Variants in KCNN2 observed in about 807,000 individuals in gnomAD.
KCNN2 encodes potassium calcium-activated channel subfamily N member 2.
Under a neutral mutation model 55.5 loss-of-function variants are expected in KCNN2, and 24 were observed. The ratio of observed to expected loss-of-function variants is 0.43; its 90% CI spans 0.31 to 0.61. The LOEUF is 0.61. KCNN2 is among the 20% of genes least tolerant of loss of function. KCNN2 has a pLI of 0.08. For synonymous variants in KCNN2, 431 were observed against 336.1 expected (o/e 1.28, Z -3.09); for missense variants, 754 against 853.6 (o/e 0.88, Z 1.45).
chr5:114,162,171 C>T (rs7443557), intron 1 of KCNN2, among the ~76,000 whole-genome samples: 118,319 of 152,062 alleles, frequency 0.78, 46,208 homozygotes, highest in East Asian at 0.92. Flanking sequence ...GATGTACAGA[C>T]GGGTTTTTGG....
chr5:114,312,434 C>CACACATATAT (rs1561566604), intron 2 of KCNN2, among the ~76,000 whole-genome samples: 2 of 23,404 alleles, frequency 8.5e-5, no homozygotes, highest in Non-Finnish European at 1.7e-4. Flanking sequence ...CACACACACA[C>CACACATATAT]ATATATATAT....
chr5:114,362,792 A>G lies in KCNN2; in HGVS notation c.653A>G (p.Tyr218Cys). Residue 218 changes from tyrosine (Y) to cysteine (C), a missense_variant, in exon 1 of 8, where the codon TAC (tyrosine) becomes TGC (cysteine). Physicochemically the swap from Tyr to Cys is radical, Grantham distance 194. Coordinates refer to ENST00000673685, the MANE Select transcript of KCNN2 (RefSeq NM_021614.4). ...FTEIAMSSCR[Y>C]NGGVMRPLSN... ...GAAATAGCCATGAGCAGCTGCAGGT[A>G]CAACGGGGGCGTCATGCGGCCGCTC... The G allele has an allele frequency of 6.3e-7, 1 of 1,594,690 alleles. No individual in the cohort carries two copies. The highest frequency in any genetic ancestry group is 8.5e-7 in the Non-Finnish European group (1 of 1,175,878).
At chr5:114,313,644 C>G (rs2150026923) in intron 2 of KCNN2, among the ~76,000 whole-genome samples, 1 of 152,306 alleles carries the variant, frequency 6.6e-6, no homozygotes, top group East Asian at 1.9e-4. Flanking sequence ...AGGAGATGTT[C>G]TGCCTTCAGC....
intron 1 of KCNN2, among the ~76,000 whole-genome samples, chr5:114,068,140 C>T (rs1463746505): frequency 6.6e-6 from 1 of 152,132 alleles, no homozygotes; most frequent in Admixed American, 6.5e-5. Flanking sequence ...GAGTAGTTTA[C>T]AAGTTTAAGT....
At chr5:114,490,912 C>CATCT (rs572732648) in intron 6 of KCNN2, among the ~76,000 whole-genome samples, 48 of 152,254 alleles carry the variant, frequency 3.2e-4, no homozygotes, top group African/African-American at 1.1e-3. Context: ...GTGTAATACA[C>CATCT]ATCTGCATGT....
chr5:114,381,546 C>T (rs1158933397), intron 2 of KCNN2, among the ~76,000 whole-genome samples: 1 of 152,232 alleles, frequency 6.6e-6, no homozygotes, highest in Admixed American at 6.5e-5. Flanking sequence ...GACACAGAGA[C>T]TCTTCTCTGG....
At chr5:114,096,852 G>A (rs1751267329) in intron 1 of KCNN2, among the ~76,000 whole-genome samples, 1 of 152,154 alleles carries the variant, frequency 6.6e-6, no homozygotes, top group Non-Finnish European at 1.5e-5. Flanking sequence ...TAATCTTTTA[G>A]AGGATGGCCA....
intron 1 of KCNN2, among the ~76,000 whole-genome samples, chr5:114,127,111 A>T (rs571995218): frequency 5.3e-5 from 8 of 152,204 alleles, no homozygotes; most frequent in Non-Finnish European, 1.2e-4. Flanking sequence ...AGCGTCTGAG[A>T]CTTTTCCAGG....
intron 1 of KCNN2, among the ~76,000 whole-genome samples, chr5:114,066,238 AT>A (rs1750448826): frequency 6.6e-6 from 1 of 152,150 alleles, no homozygotes; most frequent in Non-Finnish European, 1.5e-5. Context: ...CTCTAATTTT[AT>A]CCCCATCTCT....
intron 2 of KCNN2, among the ~76,000 whole-genome samples, chr5:114,325,913 ATCAAATGTTG>A (rs1756705873): frequency 6.6e-6 from 1 of 152,202 alleles, no homozygotes; most frequent in African/African-American, 2.4e-5. Context: ...TACTATATAC[ATCAAATGTTG>A]TCTAATACTT....
At chr5:114,202,257 G>A (rs1753687452) in intron 1 of KCNN2, among the ~76,000 whole-genome samples, 1 of 151,964 alleles carries the variant, frequency 6.6e-6, no homozygotes, top group African/African-American at 2.4e-5. Flanking sequence ...AGCTCTGTAT[G>A]CCAGGCATAA....
At chr5:114,438,828 C>G (rs1277839083) in intron 3 of KCNN2, among the ~76,000 whole-genome samples, 1 of 152,154 alleles carries the variant, frequency 6.6e-6, no homozygotes, top group Non-Finnish European at 1.5e-5. Context: ...ACGAACTGGA[C>G]AACTAAAGCT....
At chr5:114,314,277 A>G (rs560972334) in intron 2 of KCNN2, among the ~76,000 whole-genome samples, 2 of 152,252 alleles carry the variant, frequency 1.3e-5, no homozygotes, top group Admixed American at 1.3e-4. Flanking sequence ...AACACCTTGC[A>G]CTGGTGTGGA....
intron 2 of KCNN2, among the ~76,000 whole-genome samples, chr5:114,292,091 G>C (rs573440125): frequency 6.6e-6 from 1 of 152,224 alleles, no homozygotes; most frequent in South Asian, 2.1e-4. Flanking sequence ...CTGGATATTA[G>C]CCCTTTGTCA....
chr5:114,369,520 T>C (rs1007498404), intron 2 of KCNN2, among the ~76,000 whole-genome samples: 2 of 152,178 alleles, frequency 1.3e-5, no homozygotes, highest in Admixed American at 1.3e-4. Context: ...ATAAAAATTA[T>C]AGCAACAGGT....
chr5:114,164,950 A>G (rs1752878388), intron 1 of KCNN2, among the ~76,000 whole-genome samples: 1 of 152,182 alleles, frequency 6.6e-6, no homozygotes, highest in Admixed American at 6.5e-5. Context: ...AACGTTCCTA[A>G]TGATCCTATA....
intron 1 of KCNN2, among the ~76,000 whole-genome samples, chr5:114,147,523 A>T (rs1405889675): frequency 6.6e-6 from 1 of 152,202 alleles, no homozygotes; most frequent in African/African-American, 2.4e-5. Context: ...TAAGTCCTGC[A>T]GGACAGTGGA....
chr5:114,265,324 GGTGTGTGTGTGT>G (rs60111802), intron 2 of KCNN2, among the ~76,000 whole-genome samples: 19,436 of 149,128 alleles, frequency 0.13, 1,399 homozygotes, highest in Middle Eastern at 0.23. Context: ...ATCAAGAGGA[GGTGTGTGTGTGT>G]GTGTGTGTGT....
intron 1 of KCNN2, among the ~76,000 whole-genome samples, chr5:114,193,255 C>A (rs1481656732): frequency 1.3e-5 from 2 of 152,030 alleles, no homozygotes; most frequent in Non-Finnish European, 2.9e-5. Flanking sequence ...CTTTTGATTT[C>A]CTGGATGGGG....
Sources: allele counts gnomAD v4.1 joint callset (sites outside exome capture counted in the v4.1 genomes callset), GRCh38; gene constraint gnomAD v4.1.1; transcripts MANE v1.5; gene names NCBI Gene and HGNC (gene_info 2026-07-23, HGNC 2026-07-21).